Variants in RAB30 observed in about 807,000 individuals in gnomAD.
RAB30 encodes ras-related protein Rab-30.
RAB30 carries 9 observed loss-of-function variants against 25.1 expected under a neutral mutation model. That is an observed-to-expected ratio of 0.36 (90% CI 0.22 to 0.63). The LOEUF is 0.63. Among genes scored for constraint, RAB30 ranks in the 20% least tolerant of loss-of-function variants. The pLI, the probability that RAB30 is intolerant of heterozygous loss-of-function variation, is 0.69. For missense variants in RAB30, 140 were observed against 243.5 expected, an observed-to-expected ratio of 0.58 and a Z score of 2.83; for synonymous variants, 77 against 86.4, an observed-to-expected ratio of 0.89 and a Z score of 0.60.
At chr11:83,049,462 C>T (rs1321180911) in intron 1 of RAB30, among the ~76,000 whole-genome samples, 1 of 120,974 alleles carries the variant, frequency 8.3e-6, no homozygotes, top group Non-Finnish European at 1.7e-5. Context: ...GGGGCAGAGG[C>T]GGGGGGTGCA....
chr11:82,985,009 G>A lies in RAB30; in HGVS notation c.361+2578C>T, dbSNP rs549573705. Among the ~76,000 whole-genome samples the A allele has an allele frequency of 1.6e-4, 24 of 152,278 alleles. No homozygotes were observed. The South Asian group carries it at 1.7e-3, about 11-fold the overall frequency. ...TAGTTAGTTTTTGAGACAGAGTCTC[G>A]CTCTGTTGCCCAGGCTGGAGTGCAG... On this transcript the variant is annotated intron_variant, in intron 4 of 4. Transcript: ENST00000527633.
chr11:83,055,548 T>C (rs773580816), intron 1 of RAB30, among the ~76,000 whole-genome samples: 10 of 152,264 alleles, frequency 6.6e-5, no homozygotes, highest in Non-Finnish European at 1.2e-4. Context: ...CTAACACTTA[T>C]TACTTCTCAG....
Position 82,976,059 on chromosome 11 carries a change from C to T in RAB30, c.*6106G>A, listed in dbSNP as rs915258551. On this transcript the variant is annotated 3_prime_UTR_variant, in exon 5 of 5. Transcript: ENST00000527633. Reference sequence around the variant, plus strand: ...TTGCCTATTGGGAGAGAGAGAGAGACCACCTTGCCTGAAGTTTGTAAAGAA... The same window carrying T: ...TTGCCTATTGGGAGAGAGAGAGAGATCACCTTGCCTGAAGTTTGTAAAGAA... 1 of 152,038 alleles carries T rather than the reference C, an allele frequency of 6.6e-6. No homozygotes were observed. Among genetic ancestry groups the T allele is most frequent in the African/African-American group, 2.4e-5 (1 of 41,382 alleles). The allele number at this position is 152,038 out of a possible 1,614,324, so 9.4% of individuals were successfully genotyped here.
At chr11:83,022,696 T>C (rs1161923881) in intron 1 of RAB30, among the ~76,000 whole-genome samples, 1 of 152,110 alleles carries the variant, frequency 6.6e-6, no homozygotes, top group Non-Finnish European at 1.5e-5. Context: ...AGAAGTGAAA[T>C]CTAGAATACT....
At chr11:83,011,449 C>T (rs181645842) in intron 1 of RAB30, among the ~76,000 whole-genome samples, 2 of 152,150 alleles carry the variant, frequency 1.3e-5, no homozygotes, top group African/African-American at 4.8e-5. Flanking sequence ...GAATATTGTA[C>T]CACTATGACA....
intron 1 of RAB30, among the ~76,000 whole-genome samples, chr11:83,053,601 T>C (rs1174636953): frequency 6.7e-6 from 1 of 148,398 alleles, no homozygotes; most frequent in African/African-American, 2.6e-5. Flanking sequence ...TAATCTGCTC[T>C]ATGCTTCCTA....
intron 2 of RAB30, among the ~76,000 whole-genome samples, chr11:82,994,815 T>C (rs972903095): frequency 9.9e-5 from 15 of 152,098 alleles, no homozygotes. Flanking sequence ...AATTAAGTCA[T>C]CAAGGAGACA....
chr11:83,045,521 C>T (rs768639158), intron 1 of RAB30, among the ~76,000 whole-genome samples: 5 of 152,148 alleles, frequency 3.3e-5, no homozygotes, highest in South Asian at 2.1e-4. Flanking sequence ...ACCAGGAGGT[C>T]GCAAATGAAT....
chr11:82,996,438 G>A (rs1431378825), intron 2 of RAB30, among the ~76,000 whole-genome samples: 2 of 152,188 alleles, frequency 1.3e-5, no homozygotes, highest in East Asian at 3.8e-4. Flanking sequence ...TTAGATAGAG[G>A]AGCAAGTTCC....
intron 4 of RAB30, among the ~76,000 whole-genome samples, chr11:82,985,091 C>T (rs1166470973): frequency 6.6e-6 from 1 of 152,164 alleles, no homozygotes; most frequent in Non-Finnish European, 1.5e-5. Context: ...GATTCTCCTG[C>T]CTTGGCCTCC....
intron 1 of RAB30, among the ~76,000 whole-genome samples, chr11:83,005,109 T>C (rs750428500): frequency 6.6e-6 from 1 of 152,206 alleles, no homozygotes; most frequent in Non-Finnish European, 1.5e-5. Context: ...CTTTATAGTT[T>C]ACAAAATTCT....
At chr11:83,022,278 G>A (rs1857598200) in intron 1 of RAB30, among the ~76,000 whole-genome samples, 1 of 152,116 alleles carries the variant, frequency 6.6e-6, no homozygotes, top group African/African-American at 2.4e-5. Flanking sequence ...TCCCACCTCA[G>A]CCTCCCTTGT....
intron 1 of RAB30, chr11:83,071,357 G>C (rs1858842089): frequency 6.6e-6 from 1 of 152,244 alleles, no homozygotes; most frequent in African/African-American, 2.4e-5. Flanking sequence ...GTGTGTGACA[G>C]GACTGCAGTC....
At position 82,980,433 on chromosome 11, in the gene RAB30, C is replaced by T. The variant is rs1856617631; in HGVS notation, c.*1732G>A. The T allele has an allele frequency of 6.6e-6, 1 of 152,184 alleles. No individual in the cohort carries two copies. Among genetic ancestry groups the T allele is most frequent in the Non-Finnish European group, 1.5e-5 (1 of 68,040 alleles). The allele number at this position is 152,184 out of a possible 1,614,324, so 9.4% of individuals were successfully genotyped here. On this transcript the variant is annotated 3_prime_UTR_variant, in exon 5 of 5. Coordinates refer to ENST00000527633, the MANE Select transcript of RAB30 (RefSeq NM_001286060.2). ...ACCTGCTAGAGAAATGCCAGAAATGCTTTATCCACATCATGTCTCTACATG... is the reference window on the plus strand; with the variant it reads ...ACCTGCTAGAGAAATGCCAGAAATGTTTTATCCACATCATGTCTCTACATG...
At chr11:83,003,833 G>T (rs1468714128) in intron 1 of RAB30, among the ~76,000 whole-genome samples, 1 of 151,362 alleles carries the variant, frequency 6.6e-6, no homozygotes, top group African/African-American at 2.4e-5. Context: ...CTATAGAATG[G>T]TATTTTCCCA....
intron 4 of RAB30, among the ~76,000 whole-genome samples, chr11:82,983,864 T>C (rs1856688716): frequency 6.6e-6 from 1 of 152,222 alleles, no homozygotes; most frequent in African/African-American, 2.4e-5. Flanking sequence ...ATCTTTTTGG[T>C]GGTACTGTTG....
intron 1 of RAB30, among the ~76,000 whole-genome samples, chr11:83,032,892 T>C (rs925205839): frequency 6.6e-6 from 1 of 151,942 alleles, no homozygotes; most frequent in African/African-American, 2.4e-5. Context: ...TCATAATCTA[T>C]CTATCAAGAA....
At chr11:83,026,264 T>C (rs996750759) in intron 1 of RAB30, among the ~76,000 whole-genome samples, 8 of 152,144 alleles carry the variant, frequency 5.3e-5, no homozygotes, top group African/African-American at 1.9e-4. Context: ...CTGAGTAGAA[T>C]AGGATACGTG....
intron 1 of RAB30, among the ~76,000 whole-genome samples, chr11:83,014,521 A>G (rs1228705009): frequency 2.6e-5 from 4 of 151,960 alleles, no homozygotes; most frequent in Non-Finnish European, 4.4e-5. Flanking sequence ...ACTCCAATCA[A>G]GGCAACAGAC....
Sources: allele counts gnomAD v4.1 joint callset (sites outside exome capture counted in the v4.1 genomes callset), GRCh38; gene constraint gnomAD v4.1.1; transcripts MANE v1.5; gene names NCBI Gene and HGNC (gene_info 2026-07-23, HGNC 2026-07-21).